Variants in LAMB1 observed in about 807,000 individuals in gnomAD.
The protein encoded by LAMB1 is laminin subunit beta 1, also known as laminin subunit beta-1.
A neutral mutation model predicts 222.3 loss-of-function variants in LAMB1; 121 were observed. The ratio of observed to expected loss-of-function variants is 0.54; its 90% CI spans 0.47 to 0.63. LAMB1 has a LOEUF of 0.63. Among genes scored for constraint, LAMB1 ranks in the 30% least tolerant of loss-of-function variants. The pLI is 0.00. For synonymous variants in LAMB1, 794 were observed against 807.2 expected, an observed-to-expected ratio of 0.98 and a Z score of 0.28; for missense variants, 2,172 against 2,240.8, an observed-to-expected ratio of 0.97 and a Z score of 0.62.
At chr7:107,927,677 C>T (rs2032597339) in intron 31 of LAMB1, among the ~76,000 whole-genome samples, 1 of 152,104 alleles carries the variant, frequency 6.6e-6, no homozygotes, top group Non-Finnish European at 1.5e-5. Context: ...TAACAGCAAA[C>T]TGAGAAAATG....
At chr7:107,928,963 G>A (rs1172329511) in intron 31 of LAMB1, 101 bp downstream of exon 31, 2 of 1,119,712 alleles carry the variant, frequency 1.8e-6, no homozygotes, top group Non-Finnish European at 2.7e-6. Context: ...ATCCTTTAAT[G>A]TTGAGTTGTA....
At chr7:107,962,253 C>T (rs1405334116) in intron 15 of LAMB1, among the ~76,000 whole-genome samples, 1 of 152,192 alleles carries the variant, frequency 6.6e-6, no homozygotes, top group Non-Finnish European at 1.5e-5. Flanking sequence ...TGCTGTTACA[C>T]CGTCACCTTC....
At chr7:107,944,767 G>T (rs954753870) in intron 24 of LAMB1, among the ~76,000 whole-genome samples, 1 of 152,160 alleles carries the variant, frequency 6.6e-6, no homozygotes. Flanking sequence ...GAAGCAGAAA[G>T]GTCAGTTCAC....
chr7:108,002,008 C>T (rs1371862968), intron 2 of LAMB1: 1 of 1,445,458 alleles, frequency 6.9e-7, no homozygotes, highest in African/African-American at 1.4e-5. Flanking sequence ...CCGACGCTCG[C>T]GCCCACCCTG....
chr7:107,977,755 C>A (rs907997149), intron 9 of LAMB1, among the ~76,000 whole-genome samples: 2 of 151,626 alleles, frequency 1.3e-5, no homozygotes, highest in African/African-American at 4.8e-5. Flanking sequence ...ACAGCCTAGG[C>A]GACAAAAAAA....
At chr7:107,972,050 T>C (rs914168508) in intron 13 of LAMB1, among the ~76,000 whole-genome samples, 2 of 152,224 alleles carry the variant, frequency 1.3e-5, no homozygotes, top group Non-Finnish European at 2.9e-5. Flanking sequence ...CCTGCTTTTA[T>C]GGAATTATCC....
At position 107,961,571 on chromosome 7, in the gene LAMB1, C is replaced by T. The variant is rs773053269; in HGVS notation, c.1963G>A (p.Val655Met). 1.5e-5 allele frequency: 24 copies of T among 1,613,796 alleles called. No individual in the cohort carries two copies. Among genetic ancestry groups the T allele is most frequent in the Admixed American group, 3.3e-5 (2 of 59,994 alleles). Residue 655 changes from valine (V) to methionine (M), a missense_variant, in exon 16 of 34, where the codon GTG (valine) becomes ATG (methionine). Val to Met is a conservative substitution (Grantham distance 21, BLOSUM62 1). Coordinates refer to ENST00000222399, the MANE Select transcript of LAMB1 (RefSeq NM_002291.3). ...GACCTTGAGCCTGGTGATAATGACA[C>T]CACCTGGTTGTCATCATCGGGGATG... The part of the protein sequence containing the change: ...NTIPDDDNQV[V>M]SLSPGSRYVV...
chr7:108,001,535 C>G, intron 3 of LAMB1, 23 bp downstream of exon 3: 2 of 1,568,318 alleles, frequency 1.3e-6, no homozygotes, highest in Non-Finnish European at 1.7e-6. Context: ...AGCAGAGCCT[C>G]GAACCCCGCT....
chr7:107,940,374 C>A lies in LAMB1; in HGVS notation c.3392-16G>T. 6.2e-7 allele frequency: 1 copy of A among 1,602,580 alleles called. No homozygotes were observed. The highest frequency in any genetic ancestry group is 8.5e-7 in the Non-Finnish European group (1 of 1,171,210). Reference sequence around the variant, plus strand: ...CAGTCACAGGCTAGAAGGGAATAAGCAATGCTAGCTGATCTACTTAATCAT... The same window carrying A: ...CAGTCACAGGCTAGAAGGGAATAAGAAATGCTAGCTGATCTACTTAATCAT... On this transcript the variant is annotated splice_polypyrimidine_tract_variant and intron_variant, in intron 24 of 33. Coordinates refer to ENST00000222399, the MANE Select transcript of LAMB1 (RefSeq NM_002291.3).
chr7:107,947,792 T>G (rs1459023796), intron 24 of LAMB1, among the ~76,000 whole-genome samples: 2 of 152,128 alleles, frequency 1.3e-5, no homozygotes, highest in Non-Finnish European at 2.9e-5. Flanking sequence ...GTGGGACATT[T>G]ATTATTATTG....
chr7:107,952,219 A>C lies in LAMB1; in HGVS notation c.3084T>G (p.Cys1028Trp). The part of the protein sequence containing the change: ...GDALQQDCRK[C>W]VCNYLGTVQE... ...GCACGGTGCCCAGGTAATTACAGAC[A>C]CACTCTGCAAAAGAACATCACATTT... is the stretch of plus-strand genomic sequence containing the variant. The change falls in exon 23 of 34, where the codon TGT (cysteine) becomes TGG (tryptophan). Residue 1028 changes from cysteine (C) to tryptophan (W), a missense_variant. Coordinates refer to ENST00000222399, the MANE Select transcript of LAMB1 (RefSeq NM_002291.3). 1 of 1,595,986 alleles carries C rather than the reference A, an allele frequency of 6.3e-7. No homozygotes were observed. Among genetic ancestry groups the C allele is most frequent in the Non-Finnish European group, 8.6e-7 (1 of 1,165,596 alleles).
chr7:107,929,236 T>C, intron 30 of LAMB1, 31 bp from the exon 31 acceptor site: 1 of 1,611,984 alleles, frequency 6.2e-7, no homozygotes, highest in South Asian at 1.1e-5. Context: ...CAGTATATTG[T>C]TGCTGAACAT....
intron 24 of LAMB1, among the ~76,000 whole-genome samples, chr7:107,946,982 T>G (rs2033130194): frequency 1.3e-5 from 2 of 152,204 alleles, no homozygotes; most frequent in Non-Finnish European, 2.9e-5. Context: ...ATGGAAACTT[T>G]ACCCTTCCTT....
intron 7 of LAMB1, among the ~76,000 whole-genome samples, chr7:107,982,901 A>G (rs2034001107): frequency 6.6e-6 from 1 of 152,222 alleles, no homozygotes; most frequent in Non-Finnish European, 1.5e-5. Flanking sequence ...ATGTCATTTA[A>G]CCACAAAAGA....
At chr7:107,925,938 A>G (rs2116306775) in intron 32 of LAMB1, among the ~76,000 whole-genome samples, 1 of 150,080 alleles carries the variant, frequency 6.7e-6, no homozygotes, top group South Asian at 2.1e-4. Context: ...TTCTACCCCT[A>G]AGTTAATTCC....
chr7:107,961,384 A>G, intron 16 of LAMB1, 55 bp from the exon 17 acceptor site: 1 of 1,596,652 alleles, frequency 6.3e-7, no homozygotes, highest in Non-Finnish European at 8.5e-7. Context: ...CATGCATCCA[A>G]AAAATAAAAA....
intron 20 of LAMB1, among the ~76,000 whole-genome samples, chr7:107,958,104 T>C (rs2033415972): frequency 6.6e-6 from 1 of 152,220 alleles, no homozygotes; most frequent in Non-Finnish European, 1.5e-5. Flanking sequence ...CTTTTTCTCA[T>C]GTCTTTCTCT....
chr7:107,963,188 T>C, intron 14 of LAMB1, 125 bp from the exon 15 acceptor site: 1 of 821,106 alleles, frequency 1.2e-6, no homozygotes, highest in Non-Finnish European at 1.9e-6. Flanking sequence ...CTATTTTTTA[T>C]AGTCAAATCT....
chr7:107,948,206 C>T (rs752752304), intron 24 of LAMB1, among the ~76,000 whole-genome samples: 2 of 152,086 alleles, frequency 1.3e-5, no homozygotes, highest in Admixed American at 6.6e-5. Flanking sequence ...CGGCTGGTGT[C>T]GGACTCCTGA....
Sources: gnomAD v4.1 joint callset for allele counts (sites outside exome capture counted in the v4.1 genomes callset) on GRCh38, gnomAD v4.1.1 for gene constraint, MANE v1.5 for transcripts, NCBI Gene and HGNC (gene_info 2026-07-23, HGNC 2026-07-21) for gene names.